The following LRP2BP variants were observed in gnomAD, a reference collection of about 807,000 sequenced individuals.
The protein encoded by LRP2BP is LRP2 binding protein.
In LRP2BP, 38 loss-of-function variants were observed where a neutral mutation model predicts 45.2. The ratio of observed to expected loss-of-function variants is 0.84; its 90% CI spans 0.65 to 1.10. The LOEUF (loss-of-function observed/expected upper bound fraction) is 1.10, where lower values mean the gene tolerates loss of function less well. LRP2BP is among the 50% of genes least tolerant of loss of function. The pLI, the probability that LRP2BP is intolerant of heterozygous loss-of-function variation, is 0.00. For missense variants in LRP2BP, 385 were observed against 418.9 expected (o/e 0.92, Z 0.71); for synonymous variants, 153 against 153.9 (o/e 0.99, Z 0.04).
At chr4:185,393,687 G>T (rs1251006413) in intron 1 of LRP2BP, among the ~76,000 whole-genome samples, 3 of 151,758 alleles carry the variant, frequency 2.0e-5, no homozygotes, top group South Asian at 4.2e-4. Flanking sequence ...CACCACGCCC[G>T]GCCAATTTTT....
At chr4:185,372,070 TTTA>T (rs2095418051) in intron 7 of LRP2BP, among the ~76,000 whole-genome samples, 1 of 152,238 alleles carries the variant, frequency 6.6e-6, no homozygotes, top group Admixed American at 6.5e-5. Flanking sequence ...TCTTTTATAT[TTTA>T]TTAGATATAG....
chr4:185,375,110 A>ATATTTTG (rs1292594285), intron 4 of LRP2BP, among the ~76,000 whole-genome samples: 1 of 151,822 alleles, frequency 6.6e-6, no homozygotes, highest in Non-Finnish European at 1.5e-5. Flanking sequence ...ACAATCAAAT[A>ATATTTTG]TATTTTGGTT....
intron 8 of LRP2BP, 31 bp from the exon 9 acceptor site, chr4:185,367,276 T>C: frequency 6.3e-7 from 1 of 1,577,042 alleles, no homozygotes; most frequent in Non-Finnish European, 8.7e-7. Flanking sequence ...GATATTTAGA[T>C]ACATTCTAAT....
chr4:185,382,299 C>T (rs2095458005), intron 1 of LRP2BP, among the ~76,000 whole-genome samples: 1 of 152,142 alleles, frequency 6.6e-6, no homozygotes, highest in Non-Finnish European at 1.5e-5. Flanking sequence ...CCAGCTTTGG[C>T]CTATTATGAA....
intron 4 of LRP2BP, 45 bp from the exon 5 acceptor site, chr4:185,374,506 C>A (rs1466362200): frequency 1.3e-6 from 2 of 1,595,350 alleles, no homozygotes; most frequent in South Asian, 1.1e-5. Flanking sequence ...TTTAGTTTTA[C>A]CCAAACTGAA....
chr4:185,390,249 G>A (rs1331018713), intron 1 of LRP2BP, among the ~76,000 whole-genome samples: 2 of 152,142 alleles, frequency 1.3e-5, no homozygotes, highest in Non-Finnish European at 2.9e-5. Context: ...GGTGGCTCAC[G>A]CCTGTAATCC....
chr4:185,376,830 A>T (rs1180180094), intron 3 of LRP2BP, 79 bp downstream of exon 3: 9 of 966,434 alleles, frequency 9.3e-6, no homozygotes. Context: ...ACACAGTAAG[A>T]AACTCTACAT....
At chr4:185,397,276 C>T (rs200768488), upstream of LRP2BP, 9 of 1,613,956 alleles carry the variant, frequency 5.6e-6, no homozygotes, top group East Asian at 2.0e-4. Flanking sequence ...CTGGCAGCTG[C>T]AAACGGGCGC....
upstream of LRP2BP, chr4:185,396,901 T>C: frequency 6.2e-7 from 1 of 1,613,108 alleles, no homozygotes; most frequent in Non-Finnish European, 8.5e-7. Context: ...CCAAGGACTC[T>C]TGTCATCTGC....
At chr4:185,376,443 C>CTT (rs34024562) in intron 3 of LRP2BP, among the ~76,000 whole-genome samples, 5,311 of 105,678 alleles carry the variant, frequency 0.05, 229 homozygotes, top group South Asian at 0.062. Flanking sequence ...TGCCCAGCTA[C>CTT]TTTTTTTTTT....
chr4:185,378,078 TA>T lies in LRP2BP; in HGVS notation c.106+2del, dbSNP rs2095444091. On this transcript the variant is annotated splice_donor_variant, in intron 2 of 8. Coordinates refer to ENST00000505916, the MANE Select transcript of LRP2BP (RefSeq NM_001377440.1). LOFTEE classifies it high-confidence loss of function. ...AGGGAAGCTTAAATATCAGGATTTG[TA>T]CCAGTCTTTTCCTTTTTCCACTGGA... The T allele has an allele frequency of 6.2e-7, 1 of 1,609,300 alleles. No individual in the cohort carries two copies. Among genetic ancestry groups the T allele is most frequent in the Non-Finnish European group, 8.5e-7 (1 of 1,176,080 alleles).
rs768915895 is a variant in LRP2BP at position 185,378,151 on chromosome 4, G to A, written c.36C>T (p.Pro12=). The change falls in exon 2 of 9, where the codon CCC becomes CCT. Residue 12 remains proline (P), a synonymous_variant. Coordinates refer to ENST00000505916, the MANE Select transcript of LRP2BP (RefSeq NM_001377440.1). ...KLTSEKLPKN[P]FYASVSQYAA... ...CATACTGAGATACAGAGGCATAAAA[G>A]GGGTTCTTGGGCAACTTTTCACTGG... The A allele has an allele frequency of 6.2e-7, 1 of 1,613,926 alleles. No homozygotes were observed. Among genetic ancestry groups the A allele is most frequent in the Non-Finnish European group, 8.5e-7 (1 of 1,180,014 alleles).
At chr4:185,388,918 C>A (rs557209063) in intron 1 of LRP2BP, among the ~76,000 whole-genome samples, 65 of 152,152 alleles carry the variant, frequency 4.3e-4, no homozygotes, top group African/African-American at 1.3e-3. Context: ...GCTCTGTCGC[C>A]AGGCTGGAGT....
At chr4:185,374,079 G>GTGAAACAAA (rs2095425095) in intron 6 of LRP2BP, 56 bp downstream of exon 6, 3 of 1,418,408 alleles carry the variant, frequency 2.1e-6, no homozygotes, top group Non-Finnish European at 3.0e-6. Context: ...AAAAAAAGCA[G>GTGAAACAAA]TGAAACAAAT....
Position 185,366,340 on chromosome 4 carries a change from C to T in LRP2BP, c.*840G>A, listed in dbSNP as rs1319124530. The T allele has an allele frequency of 6.6e-6, 1 of 152,136 alleles. No individual in the cohort carries two copies. The highest frequency in any genetic ancestry group is 1.5e-5 in the Non-Finnish European group (1 of 68,026). The allele number at this position is 152,136 out of a possible 1,614,324, so 9.4% of individuals were successfully genotyped here. ...AAAATATGGAAAATGAGCTGAAGCACAAAGAAACAATTTGCTTTACTTTTC... is the reference window on the plus strand; with the variant it reads ...AAAATATGGAAAATGAGCTGAAGCATAAAGAAACAATTTGCTTTACTTTTC... On this transcript the variant is annotated 3_prime_UTR_variant, in exon 9 of 9. Coordinates refer to ENST00000505916, the MANE Select transcript of LRP2BP (RefSeq NM_001377440.1).
At chr4:185,371,535 C>T (rs1477525575) in intron 7 of LRP2BP, among the ~76,000 whole-genome samples, 1 of 96,724 alleles carries the variant, frequency 1.0e-5, no homozygotes, top group Non-Finnish European at 2.1e-5. Flanking sequence ...GAGCGAGACT[C>T]CGTCTAAAAA....
intron 1 of LRP2BP, among the ~76,000 whole-genome samples, chr4:185,382,590 T>C (rs1359743942): frequency 6.6e-6 from 1 of 152,258 alleles, no homozygotes; most frequent in South Asian, 2.1e-4. Flanking sequence ...TTGATTTGCA[T>C]TTCTCTAATG....
At position 185,367,256 on chromosome 4, in the gene LRP2BP, A is replaced by G. The variant is rs776653724; in HGVS notation, c.979-11T>C. The G allele has an allele frequency of 1.9e-6, 3 of 1,610,146 alleles. No individual in the cohort carries two copies. Among genetic ancestry groups the G allele is most frequent in the Admixed American group, 1.7e-5 (1 of 59,786 alleles). On this transcript the variant is annotated splice_polypyrimidine_tract_variant and intron_variant, in intron 8 of 8. Transcript: ENST00000505916. Reference sequence around the variant, plus strand: ...ATTCAGACGACAAGCCTTAAAATCAAAAAGAGTCAGATATTTAGATACATT... The same window carrying G: ...ATTCAGACGACAAGCCTTAAAATCAGAAAGAGTCAGATATTTAGATACATT...
intron 1 of LRP2BP, chr4:185,378,877 G>A: frequency 1.0e-6 from 1 of 985,364 alleles, no homozygotes; most frequent in Non-Finnish European, 1.2e-6. Context: ...CCACTGTTAT[G>A]GCTTACTTTC....
Sources: gnomAD v4.1 joint callset for allele counts (sites outside exome capture counted in the v4.1 genomes callset) on GRCh38, gnomAD v4.1.1 for gene constraint, MANE v1.5 for transcripts, NCBI Gene and HGNC (gene_info 2026-07-23, HGNC 2026-07-21) for gene names.